The following TMEM268 variants were observed in gnomAD, a reference collection of about 807,000 sequenced individuals.
TMEM268 encodes transmembrane protein 268.
TMEM268 carries 24 observed loss-of-function variants against 39.1 expected under a neutral mutation model. That is an observed-to-expected ratio of 0.61 (90% CI 0.44 to 0.86). The LOEUF is 0.86. Ranked by LOEUF, TMEM268 falls within the 40% of genes least tolerant of loss-of-function variation. The probability of loss-of-function intolerance (pLI) is 0.00; values close to 1 mark genes in which losing one functional copy is unlikely to be tolerated. For synonymous variants in TMEM268, 176 were observed against 173.5 expected (o/e 1.01, Z -0.12); for missense variants, 409 against 428.6 (o/e 0.95, Z 0.40).
chr9:114,620,137 C>T (rs1845888997), intron 2 of TMEM268, among the ~76,000 whole-genome samples: 1 of 152,130 alleles, frequency 6.6e-6, no homozygotes, highest in Non-Finnish European at 1.5e-5. Context: ...ATTGCTTGAA[C>T]CTGGGAGGCG....
Position 114,644,364 on chromosome 9 carries a change from G to C in TMEM268, c.*1051G>C, listed in dbSNP as rs564281641. The C allele has an allele frequency of 6.6e-6, 1 of 152,372 alleles. No individual in the cohort carries two copies. Among genetic ancestry groups the C allele is most frequent in the African/African-American group, 2.4e-5 (1 of 41,502 alleles). The allele number at this position is 152,372 out of a possible 1,614,324, so 9.4% of individuals were successfully genotyped here. A position where few individuals can be genotyped will look rare whatever the true frequency, so the allele number is the denominator to read the frequency against. On this transcript the variant is annotated 3_prime_UTR_variant, in exon 9 of 9. Coordinates refer to ENST00000288502, the MANE Select transcript of TMEM268 (RefSeq NM_153045.4). Reference sequence around the variant, plus strand: ...TTCCATTTGTTGGACTCCTATTCATGCTTCAAAGTCCAGCTTTCTTAAGCC... The same window carrying C: ...TTCCATTTGTTGGACTCCTATTCATCCTTCAAAGTCCAGCTTTCTTAAGCC...
chr9:114,606,567 C>G (rs1248279835), upstream of TMEM268, among the ~76,000 whole-genome samples: 1 of 152,180 alleles, frequency 6.6e-6, no homozygotes, highest in African/African-American at 2.4e-5. Context: ...CAACTTTATA[C>G]CAGGTGGCAT....
chr9:114,643,117 T>C lies in TMEM268; in HGVS notation c.850-17T>C. 6.2e-7 allele frequency: 1 copy of C among 1,613,942 alleles called. No homozygotes were observed. Among genetic ancestry groups the C allele is most frequent in the Non-Finnish European group, 8.5e-7 (1 of 1,179,912 alleles). ...GGCTCCCCTGTGGTATTCAATCTGC[T>C]TCCCTGCCTCTTCTAGGAAATGGCC... On this transcript the variant is annotated splice_polypyrimidine_tract_variant and intron_variant, in intron 8 of 8. Transcript: ENST00000288502.
chr9:114,605,923 T>A, the TMEM268 span, among the ~76,000 whole-genome samples: 4,491 of 151,596 alleles, frequency 0.03, 221 homozygotes, highest in African/African-American at 0.1. Context: ...AAAGTTGAGA[T>A]CCTGTATCAA....
chr9:114,617,331 T>G, intron 2 of TMEM268, 30 bp downstream of exon 2: 1 of 1,523,276 alleles, frequency 6.6e-7, no homozygotes. Context: ...TTTTCCACCT[T>G]CTTTCTACCT....
the TMEM268 span, among the ~76,000 whole-genome samples, chr9:114,605,550 T>C: frequency 6.6e-6 from 1 of 152,108 alleles, no homozygotes; most frequent in Non-Finnish European, 1.5e-5. Context: ...TAGTTTACTG[T>C]GTTTGAAGGG....
At chr9:114,634,260 C>G (rs183390466) in intron 6 of TMEM268, among the ~76,000 whole-genome samples, 5 of 152,322 alleles carry the variant, frequency 3.3e-5, no homozygotes, top group East Asian at 3.9e-4. Flanking sequence ...TACAGTGAGA[C>G]AGTCAACAGT....
chr9:114,624,428 C>T lies in TMEM268; in HGVS notation c.185C>T (p.Ala62Val). Residue 62 changes from alanine to valine, a missense_variant, in exon 3 of 9, where the codon GCA becomes GTA. Transcript: ENST00000288502. The stretch of plus-strand genomic sequence containing the variant: ...CCCATCTCCTTCGACCTGGGAGCCG[C>T]AGAAGAGCAACTGCAAACTTGGGGC... ...CAPISFDLGAAEEQLQTWGIQ... is the reference protein window; with the variant it reads ...CAPISFDLGAVEEQLQTWGIQ... 1.9e-6 allele frequency: 3 copies of T among 1,589,386 alleles called. No homozygotes were observed. The highest frequency in any genetic ancestry group is 2.6e-6 in the Non-Finnish European group (3 of 1,166,214).
the TMEM268 span, among the ~76,000 whole-genome samples, chr9:114,606,164 G>A: frequency 6.6e-6 from 1 of 152,150 alleles, no homozygotes; most frequent in Non-Finnish European, 1.5e-5. Flanking sequence ...ACAGCCGCTA[G>A]AGGGGAGTTC....
intron 1 of TMEM268, 32 bp downstream of exon 1, chr9:114,611,596 T>C (rs1845492851): frequency 6.4e-6 from 1 of 155,384 alleles, no homozygotes; most frequent in Admixed American, 6.6e-5. Context: ...CGCGCGCCCG[T>C]GTCCTGCGAT....
At chr9:114,622,985 A>G (rs939935273) in intron 2 of TMEM268, among the ~76,000 whole-genome samples, 1 of 151,870 alleles carries the variant, frequency 6.6e-6, no homozygotes, top group Non-Finnish European at 1.5e-5. Context: ...AGCTACTTGA[A>G]AGGCTGAGGC....
intron 6 of TMEM268, among the ~76,000 whole-genome samples, chr9:114,636,402 T>A (rs1462333738): frequency 6.6e-6 from 1 of 152,200 alleles, no homozygotes; most frequent in Non-Finnish European, 1.5e-5. Flanking sequence ...GGACAGGTGA[T>A]GTCCAGGAGG....
At chr9:114,624,256 T>G in intron 2 of TMEM268, 94 bp from the exon 3 acceptor site, 2 of 1,517,226 alleles carry the variant, frequency 1.3e-6, no homozygotes, top group Non-Finnish European at 1.8e-6. Context: ...GAGGTTCTCA[T>G]GGCCAGAGGT....
At chr9:114,627,998 C>A in intron 4 of TMEM268, 103 bp from the exon 5 acceptor site, 1 of 1,278,136 alleles carries the variant, frequency 7.8e-7, no homozygotes, top group Non-Finnish European at 1.1e-6. Context: ...CTGTCTGAAT[C>A]CAAGGAGGGT....
upstream of TMEM268, among the ~76,000 whole-genome samples, chr9:114,607,039 G>A (rs1413855984): frequency 6.6e-6 from 1 of 152,166 alleles, no homozygotes; most frequent in Non-Finnish European, 1.5e-5. Flanking sequence ...AAACAGTGTT[G>A]GCAGCTAGCC....
intron 6 of TMEM268, 49 bp from the exon 7 acceptor site, chr9:114,636,941 G>A (rs966754559): frequency 2.4e-6 from 3 of 1,244,954 alleles, no homozygotes; most frequent in South Asian, 1.2e-5. Context: ...AAGAGTTCAG[G>A]GTTGGGCTGC....
chr9:114,617,368 A>T, intron 2 of TMEM268, 67 bp downstream of exon 2: 1 of 1,265,074 alleles, frequency 7.9e-7, no homozygotes, highest in South Asian at 1.2e-5. Context: ...CACAGGGCAC[A>T]GAAGTTCCTT....
At chr9:114,624,517 A>G in intron 3 of TMEM268, 58 bp downstream of exon 3, 1 of 1,537,196 alleles carries the variant, frequency 6.5e-7, no homozygotes, top group Non-Finnish European at 8.8e-7. Flanking sequence ...TCATCCCTCT[A>G]TCTTTTCATC....
rs1452695129 is a variant in TMEM268 at position 114,645,820 on chromosome 9, T to TAC, written c.*2509_*2510dup. ...GGGCTTTCAGGGTATGCCCACAATG[T>TAC]ACATTTCTCGGCATCTGTGCCTCAG... is the stretch of plus-strand genomic sequence containing the variant. On this transcript the variant is annotated 3_prime_UTR_variant, in exon 9 of 9. Transcript: ENST00000288502. 6.6e-6 allele frequency: 1 copy of TAC among 152,318 alleles called. No homozygotes were observed. Among genetic ancestry groups the TAC allele is most frequent in the African/African-American group, 2.4e-5 (1 of 41,456 alleles). The allele number at this position is 152,318 out of a possible 1,614,324, so 9.4% of individuals were successfully genotyped here.
Sources: allele counts gnomAD v4.1 joint callset (sites outside exome capture counted in the v4.1 genomes callset), GRCh38; gene constraint gnomAD v4.1.1; transcripts MANE v1.5; gene names NCBI Gene and HGNC (gene_info 2026-07-23, HGNC 2026-07-21).